The following PIP4K2A variants were observed in gnomAD, a reference collection of about 807,000 sequenced individuals.
PIP4K2A encodes the protein phosphatidylinositol-5-phosphate 4-kinase type 2 alpha, also known as phosphatidylinositol 5-phosphate 4-kinase type-2 alpha.
In PIP4K2A, 14 loss-of-function variants were observed where a neutral mutation model predicts 42.9. The ratio of observed to expected loss-of-function variants is 0.33; its 90% CI spans 0.22 to 0.51. The LOEUF (loss-of-function observed/expected upper bound fraction) is 0.51. PIP4K2A is among the 20% of genes least tolerant of loss of function. The pLI is 0.97. For missense variants in PIP4K2A, 434 were observed against 519.8 expected, an observed-to-expected ratio of 0.83 and a Z score of 1.61; for synonymous variants, 192 against 192.2, an observed-to-expected ratio of 1.00 and a Z score of 0.01.
chr10:22,586,430 G>C (rs1345581072), intron 4 of PIP4K2A, among the ~76,000 whole-genome samples: 2 of 152,164 alleles, frequency 1.3e-5, no homozygotes, highest in Non-Finnish European at 2.9e-5. Context: ...AAAGAGTTAA[G>C]GACTGAATGC....
intron 4 of PIP4K2A, among the ~76,000 whole-genome samples, chr10:22,582,453 A>G (rs142114269): frequency 1.4e-3 from 220 of 152,310 alleles, no homozygotes; most frequent in African/African-American, 5.0e-3. Flanking sequence ...ATAAATATTT[A>G]TATCTCCGCA....
intron 3 of PIP4K2A, among the ~76,000 whole-genome samples, chr10:22,604,623 A>G (rs1837867173): frequency 6.6e-6 from 1 of 152,160 alleles, no homozygotes; most frequent in African/African-American, 2.4e-5. Context: ...TCAGTTGGGA[A>G]AGAGTATTCA....
intron 4 of PIP4K2A, among the ~76,000 whole-genome samples, chr10:22,581,565 T>TTAAA (rs1491198835): frequency 1.3e-5 from 1 of 78,674 alleles, no homozygotes. Flanking sequence ...ATCCTATCTC[T>TTAAA]AAAAAAAAAA....
At position 22,573,936 on chromosome 10, in the gene PIP4K2A, C is replaced by T. The variant is rs12252545; in HGVS notation, c.493-479G>A. Among the ~76,000 whole-genome samples the T allele has an allele frequency of 5.8e-3, 878 of 152,346 alleles. 6 individuals are homozygous for T. The highest frequency in any genetic ancestry group is 0.02 in the African/African-American group (826 of 41,586). On this transcript the variant is annotated intron_variant, in intron 4 of 9. Transcript: ENST00000376573. ...AGCCCAGTGTTAGAAGCTGGGAGGGCAGAGCTAAGCTTCTCAAGAGAGCAG... is the reference window on the plus strand; with the variant it reads ...AGCCCAGTGTTAGAAGCTGGGAGGGTAGAGCTAAGCTTCTCAAGAGAGCAG...
At chr10:22,578,897 G>GC (rs1288743059) in intron 4 of PIP4K2A, among the ~76,000 whole-genome samples, 1 of 152,094 alleles carries the variant, frequency 6.6e-6, no homozygotes, top group Non-Finnish European at 1.5e-5. Context: ...TCCTACAGAT[G>GC]CCTACTCTCT....
intron 7 of PIP4K2A, among the ~76,000 whole-genome samples, chr10:22,549,714 G>A (rs1321168694): frequency 1.3e-5 from 2 of 151,370 alleles, no homozygotes; most frequent in South Asian, 2.1e-4. Flanking sequence ...GGTGGCGGGT[G>A]CCTGTAGTCC....
intron 4 of PIP4K2A, 56 bp from the exon 5 acceptor site, chr10:22,573,513 T>C (rs1837038912): frequency 2.7e-6 from 4 of 1,495,132 alleles, no homozygotes; most frequent in African/African-American, 2.8e-5. Context: ...ATTGCTTCCT[T>C]AGATGTAAAA....
chr10:22,679,924 CTAAGA>C (rs1338784721), intron 1 of PIP4K2A, among the ~76,000 whole-genome samples: 2 of 151,760 alleles, frequency 1.3e-5, no homozygotes, highest in African/African-American at 4.8e-5. Flanking sequence ...TGAAAATGTT[CTAAGA>C]TTAGATTGAG....
At chr10:22,570,223 A>C (rs1213659627) in intron 5 of PIP4K2A, among the ~76,000 whole-genome samples, 1 of 152,236 alleles carries the variant, frequency 6.6e-6, no homozygotes, top group Non-Finnish European at 1.5e-5. Flanking sequence ...ATCTTATTTA[A>C]TTCTCAAAAC....
At chr10:22,649,102 T>G (rs2130807722) in intron 1 of PIP4K2A, among the ~76,000 whole-genome samples, 1 of 152,356 alleles carries the variant, frequency 6.6e-6, no homozygotes, top group Non-Finnish European at 1.5e-5. Context: ...CATCAATTTA[T>G]AAGAATAAAA....
In PIP4K2A at chr10:22,540,064, C is replaced by T. The variant is rs1836064284; in HGVS notation, c.1047G>A (p.Arg349=). ...TAATTGCCATGAAGTACACCTCCTT[C>T]CTAGGCGAGTCTGCAGAGACAGGAG... The part of the protein sequence containing the change: ...YGIKCHENSP[R]KEVYFMAIID... Residue 349 remains arginine (R), a synonymous_variant, in exon 9 of 10, where the codon AGG becomes AGA. Transcript: ENST00000376573. The T allele has an allele frequency of 6.3e-7, 1 of 1,599,300 alleles. No individual in the cohort carries two copies. The highest frequency in any genetic ancestry group is 1.4e-5 in the African/African-American group (1 of 74,016).
chr10:22,714,280 G>GTCTTGC lies in PIP4K2A; in HGVS notation c.41_46dup (p.Ser14_Lys15dup). On this transcript the variant is annotated inframe_insertion, in exon 1 of 10. Transcript: ENST00000376573. ...TACGAAGTGCTTCTTCTTGGTCTTG[G>GTCTTGC]TCTTGCTCGCCAGGACAGAGGACCC... 6.2e-7 allele frequency: 1 copy of GTCTTGC among 1,612,434 alleles called. No homozygotes were observed. The highest frequency in any genetic ancestry group is 8.5e-7 in the Non-Finnish European group (1 of 1,179,128).
chr10:22,601,144 A>AAAC (rs1837760913), intron 3 of PIP4K2A, among the ~76,000 whole-genome samples: 1 of 132,128 alleles, frequency 7.6e-6, no homozygotes, highest in South Asian at 2.5e-4. Flanking sequence ...AAAAAAAAAA[A>AAAC]AAAAAAAAAA....
At chr10:22,569,199 G>GT (rs1353611773) in intron 5 of PIP4K2A, 1 of 650,972 alleles carries the variant, frequency 1.5e-6, no homozygotes, top group Non-Finnish European at 2.7e-6. Context: ...AGACCAGGCT[G>GT]GGGGGGTCTC....
At chr10:22,539,085 A>C (rs1836015702) in intron 9 of PIP4K2A, among the ~76,000 whole-genome samples, 2 of 152,152 alleles carry the variant, frequency 1.3e-5, no homozygotes, top group African/African-American at 2.4e-5. Flanking sequence ...TGCAAAACAA[A>C]GATGGCACCC....
At chr10:22,710,063 C>CA (rs34126375) in intron 1 of PIP4K2A, among the ~76,000 whole-genome samples, 3,100 of 124,642 alleles carry the variant, frequency 0.025, 97 homozygotes, top group African/African-American at 0.075. Context: ...ACCCATGAAC[C>CA]AAAAAAAAAA....
intron 1 of PIP4K2A, among the ~76,000 whole-genome samples, chr10:22,702,528 C>A (rs1217596629): frequency 6.6e-6 from 1 of 152,202 alleles, no homozygotes; most frequent in Non-Finnish European, 1.5e-5. Context: ...ACTTTCTGAA[C>A]CTTTTCTGTC....
chr10:22,559,817 C>G (rs555591049), intron 6 of PIP4K2A, among the ~76,000 whole-genome samples: 1 of 152,172 alleles, frequency 6.6e-6, no homozygotes, highest in Non-Finnish European at 1.5e-5. Context: ...CTCACCAACA[C>G]TACAGCATGA....
intron 1 of PIP4K2A, among the ~76,000 whole-genome samples, chr10:22,635,090 G>A (rs1012907200): frequency 2.6e-5 from 4 of 152,106 alleles, no homozygotes; most frequent in African/African-American, 7.2e-5. Flanking sequence ...TTTGGGGGAG[G>A]GAGGGAGGCA....
Sources: allele counts gnomAD v4.1 joint callset (sites outside exome capture counted in the v4.1 genomes callset), GRCh38; gene constraint gnomAD v4.1.1; transcripts MANE v1.5; gene names NCBI Gene and HGNC (gene_info 2026-07-23, HGNC 2026-07-21).